ECT2: variants seen among roughly 807,000 people sequenced by gnomAD.
ECT2 encodes the protein protein ECT2.
Under a neutral mutation model 116.9 loss-of-function variants are expected in ECT2, and 61 were observed. The observed-to-expected ratio is 0.52, with a 90% CI of 0.42 to 0.65. The LOEUF is 0.65. Ranked by LOEUF, ECT2 falls within the 30% of genes least tolerant of loss-of-function variation. The pLI, the probability that ECT2 is intolerant of heterozygous loss-of-function variation, is 0.00. For synonymous variants in ECT2, 358 were observed against 346.4 expected, an observed-to-expected ratio of 1.03 and a Z score of -0.37; for missense variants, 937 against 1,078.7, an observed-to-expected ratio of 0.87 and a Z score of 1.84.
At position 172,805,725 on chromosome 3, in the gene ECT2, A is replaced by G. The variant is rs1438601813; in HGVS notation, c.2107-6A>G. On this transcript the variant is annotated splice_region_variant and splice_polypyrimidine_tract_variant and intron_variant, in intron 20 of 24. Coordinates refer to ENST00000392692, the MANE Select transcript of ECT2 (RefSeq NM_001258315.2). ...TGACTGATACTTTTTTATTTTCTAT[A>G]ATCAGATAGCAAGAAAACGGCACAA... The G allele has an allele frequency of 1.9e-6, 3 of 1,610,890 alleles. No homozygotes were observed. The highest frequency in any genetic ancestry group is 2.2e-5 in the South Asian group (2 of 90,514).
rs776813098 is a variant in ECT2, at chr3:172,769,041, C to T, written c.1326C>T (p.Ser442=). The change falls in exon 13 of 25, where the codon AGC becomes AGT. Residue 442 remains serine (S), a synonymous_variant. Coordinates refer to ENST00000392692, the MANE Select transcript of ECT2 (RefSeq NM_001258315.2). ...AGTCTTGTACTAAGTCTTCTAAAAG[C>T]TCCACTCCAGTTCCTTCAAAGCAGT... ...TPKSCTKSSK[S]STPVPSKQSA... 2 of 1,613,196 alleles carry T rather than the reference C, an allele frequency of 1.2e-6. No homozygotes were observed. The highest frequency in any genetic ancestry group is 1.7e-6 in the Non-Finnish European group (2 of 1,179,510).
At chr3:172,760,464 T>C (rs1718029205) in intron 7 of ECT2, among the ~76,000 whole-genome samples, 2 of 152,014 alleles carry the variant, frequency 1.3e-5, no homozygotes, top group Admixed American at 1.3e-4. Flanking sequence ...TTTTTTTAAA[T>C]AGAGATGGGG....
At chr3:172,809,073 GT>G (rs918539831) in intron 22 of ECT2, among the ~76,000 whole-genome samples, 2 of 151,024 alleles carry the variant, frequency 1.3e-5, no homozygotes, top group South Asian at 2.1e-4. Flanking sequence ...TCATTGTAAG[GT>G]TTTTTTTTGT....
intron 13 of ECT2, among the ~76,000 whole-genome samples, chr3:172,773,389 A>G (rs540641758): frequency 5.3e-5 from 8 of 151,978 alleles, no homozygotes; most frequent in Non-Finnish European, 1.2e-4. Flanking sequence ...GGCCTTGCCA[A>G]ACTCATTGTT....
At position 172,762,933 on chromosome 3, in the gene ECT2, G is replaced by T; in HGVS notation, c.1029G>T (p.Met343Ile). 1 of 1,613,838 alleles carries T rather than the reference G, an allele frequency of 6.2e-7. No homozygotes were observed. The highest frequency in any genetic ancestry group is 8.5e-7 in the Non-Finnish European group (1 of 1,179,814). Reference sequence around the variant, plus strand: ...AGTGGTTCTGGGGAAGCATTCAAATGGATGCCCGAGCTGGAGAAACTATGT... The same window carrying T: ...AGTGGTTCTGGGGAAGCATTCAAATTGATGCCCGAGCTGGAGAAACTATGT... Reference protein sequence around the residue: ...KQEWFWGSIQMDARAGETMYL... With the variant: ...KQEWFWGSIQIDARAGETMYL... Residue 343 changes from methionine to isoleucine, a missense_variant, in exon 11 of 25, where the codon ATG (methionine) becomes ATT (isoleucine). By Grantham distance (10) the Met-to-Ile change is conservative. Transcript: ENST00000392692.
intron 21 of ECT2, among the ~76,000 whole-genome samples, chr3:172,807,215 T>C (rs1727927170): frequency 6.6e-6 from 1 of 152,212 alleles, no homozygotes; most frequent in African/African-American, 2.4e-5. Context: ...AAATGCTGTG[T>C]AAACAGTTGT....
chr3:172,760,187 G>A lies in ECT2; in HGVS notation c.608G>A (p.Gly203Asp). ...VRLVTLVHHMGGVIRKDFNSK... is the reference protein window; with the variant it reads ...VRLVTLVHHMDGVIRKDFNSK... Reference sequence around the variant, plus strand: ...TTGGTGACATTGGTCCATCACATGGGTGGAGTTATTCGAAAAGACTTTAAT... The same window carrying A: ...TTGGTGACATTGGTCCATCACATGGATGGAGTTATTCGAAAAGACTTTAAT... The change falls in exon 7 of 25, where the codon GGT becomes GAT. Residue 203 changes from glycine (G) to aspartate (D), a missense_variant. Coordinates refer to ENST00000392692, the MANE Select transcript of ECT2 (RefSeq NM_001258315.2). 1 of 1,611,840 alleles carries A rather than the reference G, an allele frequency of 6.2e-7. No homozygotes were observed. Among genetic ancestry groups the A allele is most frequent in the Non-Finnish European group, 8.5e-7 (1 of 1,178,836 alleles).
At chr3:172,818,815 G>T in intron 24 of ECT2, 1 of 1,200,516 alleles carries the variant, frequency 8.3e-7, no homozygotes, top group South Asian at 1.5e-5. Context: ...GAAGTTTAAT[G>T]TGAGCTTATT....
chr3:172,805,782 C>G lies in ECT2; in HGVS notation c.2158C>G (p.Gln720Glu), dbSNP rs1451238526. The G allele has an allele frequency of 4.3e-6, 7 of 1,613,820 alleles. No homozygotes were observed. The highest frequency in any genetic ancestry group is 5.1e-6 in the Non-Finnish European group (6 of 1,179,864). Residue 720 changes from glutamine to glutamate, a missense_variant, in exon 21 of 25, where the codon CAA becomes GAA. Coordinates refer to ENST00000392692, the MANE Select transcript of ECT2 (RefSeq NM_001258315.2). ...VIGTFRSPHG[Q>E]TRPPASLKHI... ...TGGCACTTTTAGGAGTCCTCATGGC[C>G]AAACCCGACCCCCAGCTTCTCTTAA... is the stretch of plus-strand genomic sequence containing the variant.
At chr3:172,756,844 G>T in intron 4 of ECT2, 139 bp from the exon 5 acceptor site, 1 of 698,866 alleles carries the variant, frequency 1.4e-6, no homozygotes, top group East Asian at 3.0e-5. Context: ...GCTGATTATT[G>T]TGTGATAGAA....
intron 18 of ECT2, among the ~76,000 whole-genome samples, chr3:172,788,120 T>C (rs1339373115): frequency 2.6e-5 from 4 of 152,324 alleles, no homozygotes; most frequent in African/African-American, 4.8e-5. Context: ...ATAAGCCTTA[T>C]AGAATTTTAC....
At chr3:172,753,759 C>G (rs923381120) in intron 1 of ECT2, among the ~76,000 whole-genome samples, 1 of 152,094 alleles carries the variant, frequency 6.6e-6, no homozygotes, top group South Asian at 2.1e-4. Context: ...GTTGCTGTTG[C>G]ATAGATTGTA....
At chr3:172,754,902 G>A (rs1350446052) in intron 2 of ECT2, among the ~76,000 whole-genome samples, 1 of 152,092 alleles carries the variant, frequency 6.6e-6, no homozygotes, top group Non-Finnish European at 1.5e-5. Context: ...TTCTGTATGT[G>A]AGGGCGGTCT....
chr3:172,773,109 T>C (rs1207290861), intron 13 of ECT2, among the ~76,000 whole-genome samples: 1 of 152,208 alleles, frequency 6.6e-6, no homozygotes, highest in African/African-American at 2.4e-5. Context: ...ACTAAATTTA[T>C]AAATCAATTT....
chr3:172,820,275 C>A lies in ECT2; in HGVS notation c.*38C>A. ...ATCTTAAATTATAGAAATGTATAGA[C>A]ACCTCATACTCAAATAAGAAACTGA... On this transcript the variant is annotated 3_prime_UTR_variant, in exon 25 of 25. Coordinates refer to ENST00000392692, the MANE Select transcript of ECT2 (RefSeq NM_001258315.2). 3 of 1,446,582 alleles carry A rather than the reference C, an allele frequency of 2.1e-6. No individual in the cohort carries two copies. Among genetic ancestry groups the A allele is most frequent in the Non-Finnish European group, 2.9e-6 (3 of 1,045,630 alleles). 89.6% of individuals were successfully genotyped at this position (1,446,582 alleles called of 1,614,324 possible). A position where few individuals can be genotyped will look rare whatever the true frequency, so the allele number is the denominator to read the frequency against.
At chr3:172,771,616 A>C (rs1002821528) in intron 13 of ECT2, among the ~76,000 whole-genome samples, 1 of 152,168 alleles carries the variant, frequency 6.6e-6, no homozygotes, top group Admixed American at 6.5e-5. Flanking sequence ...TATCTAAGCT[A>C]TAGAATAATT....
intron 4 of ECT2, among the ~76,000 whole-genome samples, chr3:172,756,411 C>T (rs1355706550): frequency 6.6e-6 from 1 of 151,984 alleles, no homozygotes; most frequent in Non-Finnish European, 1.5e-5. Context: ...CTTTTTATAT[C>T]CTACATTTGC....
rs759136600 is a variant in ECT2 at position 172,783,784 on chromosome 3, C to T, written c.1618-15C>T. 18 of 1,490,320 alleles carry T rather than the reference C, an allele frequency of 1.2e-5. No homozygotes were observed. Among genetic ancestry groups the T allele is most frequent in the Admixed American group, 8.8e-5 (5 of 56,802 alleles). The allele number at this position is 1,490,320 out of a possible 1,614,324, so 92.3% of individuals were successfully genotyped here. A position where few individuals can be genotyped will look rare whatever the true frequency, so the allele number is the denominator to read the frequency against. ...AATGCATAATAAATAATGTTTTTTT[C>T]CCTTTTCTTCCTAGTCAAAAGATTT... On this transcript the variant is annotated splice_polypyrimidine_tract_variant and intron_variant, in intron 15 of 24. Transcript: ENST00000392692.
At chr3:172,806,595 TTC>T (rs940236832) in intron 21 of ECT2, among the ~76,000 whole-genome samples, 14 of 147,788 alleles carry the variant, frequency 9.5e-5, no homozygotes, top group Non-Finnish European at 1.5e-4. Flanking sequence ...TGAGAAATTA[TTC>T]TTTTTTTTTT....
Sources: allele counts gnomAD v4.1 joint callset (sites outside exome capture counted in the v4.1 genomes callset), GRCh38; gene constraint gnomAD v4.1.1; transcripts MANE v1.5; gene names NCBI Gene and HGNC (gene_info 2026-07-23, HGNC 2026-07-21).